Variants in TBC1D14 observed in about 807,000 individuals in gnomAD.
TBC1D14 encodes the protein TBC1 domain family member 14, also known as TBC1 domain family, member 14.
In TBC1D14, 26 loss-of-function variants were observed where a neutral mutation model predicts 79.0. The observed-to-expected ratio is 0.33, with a 90% CI of 0.24 to 0.46. The LOEUF is 0.46. Among genes scored for constraint, TBC1D14 ranks in the 20% least tolerant of loss-of-function variants. The pLI, the probability that TBC1D14 is intolerant of heterozygous loss-of-function variation, is 1.00. For synonymous variants in TBC1D14, 394 were observed against 349.9 expected (o/e 1.13, Z -1.40); for missense variants, 769 against 887.6 (o/e 0.87, Z 1.70).
intron 13 of TBC1D14, among the ~76,000 whole-genome samples, chr4:7,028,903 T>A (rs1250096061): frequency 6.6e-6 from 1 of 152,112 alleles, no homozygotes; most frequent in Non-Finnish European, 1.5e-5. Context: ...AGTGGTGCGA[T>A]CACAGCTCAC....
At chr4:7,005,267 C>T (rs961472070) in intron 8 of TBC1D14, among the ~76,000 whole-genome samples, 9 of 151,662 alleles carry the variant, frequency 5.9e-5, no homozygotes, top group East Asian at 3.9e-4. Context: ...TGGGTGCAGG[C>T]GCTCACGCCT....
At chr4:6,970,882 T>C (rs1299994771) in intron 3 of TBC1D14, among the ~76,000 whole-genome samples, 1 of 137,754 alleles carries the variant, frequency 7.3e-6, no homozygotes, top group East Asian at 2.2e-4. Flanking sequence ...CCAGGAGCTT[T>C]GGACCTGCCT....
At position 7,001,145 on chromosome 4, in the gene TBC1D14, G is replaced by T; in HGVS notation, c.1164G>T (p.Met388Ile). Reference protein sequence around the residue: ...NNEILPNWETMWCSRKVRDLW... With the variant: ...NNEILPNWETIWCSRKVRDLW... ...AACTCCTGCTTCTGTTTTTGTCCAG[G>T]TGGTGCTCTAGAAAAGTTCGAGATT... Residue 388 changes from methionine to isoleucine, a missense_variant and splice_region_variant, in exon 7 of 14, where the codon ATG becomes ATT. Physicochemically the swap from Met to Ile is conservative, Grantham distance 10 (BLOSUM62 1). Transcript: ENST00000409757. 1 of 1,613,896 alleles carries T rather than the reference G, an allele frequency of 6.2e-7. No individual in the cohort carries two copies. Among genetic ancestry groups the T allele is most frequent in the Non-Finnish European group, 8.5e-7 (1 of 1,179,834 alleles).
At chr4:6,977,278 G>A (rs1250805299) in intron 3 of TBC1D14, among the ~76,000 whole-genome samples, 24 of 148,624 alleles carry the variant, frequency 1.6e-4, no homozygotes, top group Admixed American at 1.2e-3. Context: ...GCGCCGCCAC[G>A]CCTGACTGGT....
chr4:6,981,022 CTTTTTTTTTT>C, intron 3 of TBC1D14, among the ~76,000 whole-genome samples: 1 of 128,114 alleles, frequency 7.8e-6, no homozygotes, highest in East Asian at 2.3e-4. Context: ...GCCTCTGTCT[CTTTTTTTTTT>C]TTTTTTTTTA....
intron 2 of TBC1D14, among the ~76,000 whole-genome samples, chr4:6,939,377 G>A (rs948441199): frequency 6.6e-6 from 1 of 151,292 alleles, no homozygotes; most frequent in Non-Finnish European, 1.5e-5. Context: ...CAGCTCTGTG[G>A]CTGGGGCACC....
chr4:7,000,903 G>C (rs1719607911), intron 6 of TBC1D14, among the ~76,000 whole-genome samples: 1 of 152,192 alleles, frequency 6.6e-6, no homozygotes, highest in Admixed American at 6.5e-5. Flanking sequence ...GCGTGCCTGG[G>C]CCTCTGGTTC....
intron 2 of TBC1D14, chr4:6,954,173 A>T: frequency 1.5e-6 from 1 of 647,190 alleles, no homozygotes; most frequent in East Asian, 2.8e-5. Flanking sequence ...GGCAGACGCG[A>T]GGGGCGGGGC....
chr4:7,013,354 G>A (rs191029593), intron 11 of TBC1D14, among the ~76,000 whole-genome samples: 98 of 152,318 alleles, frequency 6.4e-4, no homozygotes, highest in Non-Finnish European at 1.9e-4. Context: ...GGGAGCCACC[G>A]TCTACAGTAG....
At chr4:7,009,518 T>C (rs1191911612) in intron 9 of TBC1D14, among the ~76,000 whole-genome samples, 1 of 152,120 alleles carries the variant, frequency 6.6e-6, no homozygotes, top group Non-Finnish European at 1.5e-5. Flanking sequence ...TGAGTGACAC[T>C]GAGTAGTCAC....
intron 6 of TBC1D14, among the ~76,000 whole-genome samples, chr4:7,000,587 G>A (rs1273689325): frequency 6.6e-6 from 1 of 152,224 alleles, no homozygotes; most frequent in Non-Finnish European, 1.5e-5. Flanking sequence ...CCGTGTCCCA[G>A]CAGAGCTGAA....
intron 8 of TBC1D14, 60 bp downstream of exon 8, chr4:7,004,984 TA>T (rs1720032231): frequency 6.7e-7 from 1 of 1,483,264 alleles, no homozygotes; most frequent in African/African-American, 1.4e-5. Context: ...CATTCTTTAT[TA>T]CATAGTGAAG....
intron 3 of TBC1D14, among the ~76,000 whole-genome samples, chr4:6,980,288 C>A (rs1474249490): frequency 1.3e-5 from 2 of 152,162 alleles, no homozygotes; most frequent in African/African-American, 4.8e-5. Flanking sequence ...AAGTAGCATA[C>A]TTCTAAATCA....
At chr4:7,000,052 G>A (rs1719502265) in intron 6 of TBC1D14, among the ~76,000 whole-genome samples, 1 of 152,158 alleles carries the variant, frequency 6.6e-6, no homozygotes, top group South Asian at 2.1e-4. Flanking sequence ...CAGGGGTCAC[G>A]CGGCCCTGCT....
chr4:7,004,788 G>A (rs1214976135), intron 7 of TBC1D14, 56 bp from the exon 8 acceptor site: 1 of 1,513,614 alleles, frequency 6.6e-7, no homozygotes, highest in African/African-American at 1.4e-5. Flanking sequence ...GTTCTGTGGT[G>A]GTTTTGACGA....
Position 7,032,163 on chromosome 4 carries a change from G to T in TBC1D14, c.*1771G>T, listed in dbSNP as rs1001434286. The T allele has an allele frequency of 6.6e-6, 1 of 152,622 alleles. No individual in the cohort carries two copies. The highest frequency in any genetic ancestry group is 1.5e-5 in the Non-Finnish European group (1 of 68,054). 9.5% of individuals were successfully genotyped at this position (152,622 alleles called of 1,614,324 possible). On this transcript the variant is annotated 3_prime_UTR_variant, in exon 14 of 14. Transcript: ENST00000409757. ...AGGAGGCGTCCTGTCTTCACGGGGGGGTCCCGGTGGCCTCCAGACGTAGCC... is the reference window on the plus strand; with the variant it reads ...AGGAGGCGTCCTGTCTTCACGGGGGTGTCCCGGTGGCCTCCAGACGTAGCC...
At chr4:7,001,886 A>G (rs905219044) in intron 7 of TBC1D14, among the ~76,000 whole-genome samples, 2 of 152,196 alleles carry the variant, frequency 1.3e-5, no homozygotes, top group African/African-American at 4.8e-5. Context: ...AGTGATTAAT[A>G]CTGGCAGCCA....
intron 13 of TBC1D14, among the ~76,000 whole-genome samples, chr4:7,028,400 G>A (rs552734882): frequency 6.6e-6 from 1 of 152,134 alleles, no homozygotes; most frequent in African/African-American, 2.4e-5. Context: ...TGGGGGGCTT[G>A]GGCATCAGTG....
At chr4:7,009,426 C>G (rs1720525989) in intron 9 of TBC1D14, among the ~76,000 whole-genome samples, 1 of 152,176 alleles carries the variant, frequency 6.6e-6, no homozygotes, top group African/African-American at 2.4e-5. Flanking sequence ...ATTCAGAAAA[C>G]CAACAGAAAC....
Sources: allele counts gnomAD v4.1 joint callset (sites outside exome capture counted in the v4.1 genomes callset), GRCh38; gene constraint gnomAD v4.1.1; transcripts MANE v1.5; gene names NCBI Gene and HGNC (gene_info 2026-07-23, HGNC 2026-07-21).